The following GALNT13 variants were observed in gnomAD, a reference collection of about 807,000 sequenced individuals.
GALNT13 encodes the protein UDP-GalNAc:polypeptide N-acetylgalactosaminyltransferase 13.
In GALNT13, 28 loss-of-function variants were observed where a neutral mutation model predicts 64.2. The ratio of observed to expected loss-of-function variants is 0.44; its 90% CI spans 0.32 to 0.60. The LOEUF (loss-of-function observed/expected upper bound fraction) is 0.60, where lower values mean the gene tolerates loss of function less well. Among genes scored for constraint, GALNT13 ranks in the 20% least tolerant of loss-of-function variants. The pLI is 0.05. For missense variants in GALNT13, 577 were observed against 669.8 expected (o/e 0.86, Z 1.53); for synonymous variants, 214 against 224.6 (o/e 0.95, Z 0.42).
At chr2:154,417,731 C>G (rs186323128) in intron 11 of GALNT13, among the ~76,000 whole-genome samples, 1 of 151,732 alleles carries the variant, frequency 6.6e-6, no homozygotes, top group Admixed American at 6.6e-5. Flanking sequence ...AGGATGGTCT[C>G]GAACTCCTGA....
intron 2 of GALNT13, among the ~76,000 whole-genome samples, chr2:153,938,039 G>T (rs1288987995): frequency 6.6e-6 from 1 of 152,152 alleles, no homozygotes; most frequent in African/African-American, 2.4e-5. Context: ...GGTGTATGGT[G>T]AAATTACTTT....
At chr2:153,137,188 C>G in the GALNT13 span, among the ~76,000 whole-genome samples, 2 of 152,004 alleles carry the variant, frequency 1.3e-5, no homozygotes, top group African/African-American at 4.8e-5. Flanking sequence ...AATTGGGCCA[C>G]GTTTTTGAAA....
chr2:153,694,133 C>T, the GALNT13 span, among the ~76,000 whole-genome samples: 10 of 151,940 alleles, frequency 6.6e-5, no homozygotes, highest in African/African-American at 2.4e-4. Context: ...AAAAAGCAAT[C>T]GTGAAATTAC....
chr2:153,435,999 G>C, the GALNT13 span, among the ~76,000 whole-genome samples: 25 of 152,142 alleles, frequency 1.6e-4, no homozygotes, highest in Admixed American at 3.9e-4. Flanking sequence ...TGAGATACGT[G>C]CCATCAATAC....
Position 154,438,579 on chromosome 2 carries a change from T to A in GALNT13, c.1396-13T>A, listed in dbSNP as rs765000119. 1 of 1,599,084 alleles carries A rather than the reference T, an allele frequency of 6.3e-7. No homozygotes were observed. The highest frequency in any genetic ancestry group is 8.6e-7 in the Non-Finnish European group (1 of 1,167,828). On this transcript the variant is annotated splice_polypyrimidine_tract_variant and intron_variant, in intron 11 of 12. Transcript: ENST00000392825. The stretch of plus-strand genomic sequence containing the variant: ...ACATACATTTTTTTTATTAGCTGAA[T>A]TTATATTTTCAGGTATTTTCTTACA...
At chr2:153,293,431 A>G in the GALNT13 span, among the ~76,000 whole-genome samples, 1 of 152,202 alleles carries the variant, frequency 6.6e-6, no homozygotes, top group Non-Finnish European at 1.5e-5. Flanking sequence ...TGAAGATGCT[A>G]TACTACTACC....
At chr2:153,814,928 A>G in the GALNT13 span, among the ~76,000 whole-genome samples, 2 of 152,214 alleles carry the variant, frequency 1.3e-5, no homozygotes, top group Non-Finnish European at 2.9e-5. Context: ...AATGCTCTTC[A>G]TGTCATGTTG....
chr2:154,367,927 A>G (rs1317711965), intron 9 of GALNT13, among the ~76,000 whole-genome samples: 4 of 152,206 alleles, frequency 2.6e-5, no homozygotes, highest in African/African-American at 9.7e-5. Flanking sequence ...AGAATAAAGT[A>G]TGATTTATGA....
the GALNT13 span, among the ~76,000 whole-genome samples, chr2:153,295,787 G>A: frequency 5.3e-5 from 8 of 152,154 alleles, no homozygotes; most frequent in African/African-American, 1.9e-4. Flanking sequence ...ATCAGGATCT[G>A]CATCATAAGA....
At chr2:153,126,338 A>ATATATATT in the GALNT13 span, among the ~76,000 whole-genome samples, 37 of 64,228 alleles carry the variant, frequency 5.8e-4, no homozygotes, top group African/African-American at 1.7e-3. Context: ...ATATATATAT[A>ATATATATT]TATATATATG....
chr2:154,275,920 G>A (rs565011024), intron 8 of GALNT13, among the ~76,000 whole-genome samples: 4 of 152,332 alleles, frequency 2.6e-5, no homozygotes, highest in Non-Finnish European at 5.9e-5. Context: ...TGACCTGGAT[G>A]TGAGACATGG....
chr2:153,923,938 C>T (rs1461789057), intron 2 of GALNT13, among the ~76,000 whole-genome samples: 2 of 151,858 alleles, frequency 1.3e-5, no homozygotes, highest in South Asian at 2.1e-4. Context: ...TCCAGCCTAT[C>T]ATTGATGGAC....
the GALNT13 span, among the ~76,000 whole-genome samples, chr2:153,834,958 G>A: frequency 6.6e-6 from 1 of 152,068 alleles, no homozygotes; most frequent in East Asian, 1.9e-4. Flanking sequence ...AGTAAGCAGA[G>A]TTAAGTCAAT....
intron 3 of GALNT13, among the ~76,000 whole-genome samples, chr2:154,062,464 T>C (rs1372854467): frequency 6.6e-6 from 1 of 152,206 alleles, no homozygotes; most frequent in Non-Finnish European, 1.5e-5. Flanking sequence ...ACTGGATAAT[T>C]GACTCACAGT....
chr2:153,719,520 G>A, the GALNT13 span, among the ~76,000 whole-genome samples: 2 of 152,264 alleles, frequency 1.3e-5, no homozygotes, highest in East Asian at 1.9e-4. Context: ...CGCAGAAGAC[G>A]GGTGATTTCT....
the GALNT13 span, among the ~76,000 whole-genome samples, chr2:153,491,496 A>G: frequency 6.6e-6 from 1 of 152,010 alleles, no homozygotes; most frequent in African/African-American, 2.4e-5. Context: ...GTGAGCACAG[A>G]CTCTCCCTGT....
the GALNT13 span, among the ~76,000 whole-genome samples, chr2:153,657,912 T>C: frequency 2.6e-5 from 4 of 152,090 alleles, no homozygotes; most frequent in Admixed American, 2.0e-4. Flanking sequence ...GCTGCCAACA[T>C]TCTTCAATTG....
At chr2:153,540,534 G>A in the GALNT13 span, among the ~76,000 whole-genome samples, 1 of 152,202 alleles carries the variant, frequency 6.6e-6, no homozygotes, top group Non-Finnish European at 1.5e-5. Context: ...AGACCCCAGA[G>A]TGGTAAATCC....
intron 12 of GALNT13, 21 bp downstream of exon 12, chr2:154,438,747 A>G (rs1701126256): frequency 1.9e-6 from 3 of 1,563,490 alleles, no homozygotes; most frequent in African/African-American, 1.4e-5. Flanking sequence ...TTCTTAATTT[A>G]CTTATTATTT....
Sources: allele counts gnomAD v4.1 joint callset (sites outside exome capture counted in the v4.1 genomes callset), GRCh38; gene constraint gnomAD v4.1.1; transcripts MANE v1.5; gene names NCBI Gene and HGNC (gene_info 2026-07-23, HGNC 2026-07-21).